The following PTPRB variants were observed in gnomAD, a reference collection of about 807,000 sequenced individuals.
The protein encoded by PTPRB is receptor-type tyrosine-protein phosphatase beta.
Under a neutral mutation model 238.1 loss-of-function variants are expected in PTPRB, and 97 were observed. That is an observed-to-expected ratio of 0.41 (90% CI 0.35 to 0.48). The LOEUF is 0.48. PTPRB is among the 20% of genes least tolerant of loss of function. The pLI is 0.30. For synonymous variants in PTPRB, 970 were observed against 995.4 expected, an observed-to-expected ratio of 0.97 and a Z score of 0.48; for missense variants, 2,292 against 2,681.9, an observed-to-expected ratio of 0.85 and a Z score of 3.21.
chr12:70,551,803 G>A (rs1320518817), intron 21 of PTPRB, among the ~76,000 whole-genome samples: 4 of 152,204 alleles, frequency 2.6e-5, no homozygotes, highest in African/African-American at 9.6e-5. Flanking sequence ...TGATTGGGAT[G>A]CTATATACTT....
chr12:70,628,535 CT>C (rs1189625937), intron 2 of PTPRB, among the ~76,000 whole-genome samples: 1 of 152,056 alleles, frequency 6.6e-6, no homozygotes, highest in Non-Finnish European at 1.5e-5. Flanking sequence ...TAATTTCCCC[CT>C]GGCAAGGAAT....
chr12:70,609,913 G>A (rs1233399190), intron 3 of PTPRB: 18 of 1,134,210 alleles, frequency 1.6e-5, no homozygotes, highest in Non-Finnish European at 2.4e-6. Context: ...CGCTCAGCGC[G>A]CCCCGTGGGC....
chr12:70,554,734 G>T (rs1392711599), intron 20 of PTPRB, among the ~76,000 whole-genome samples: 2 of 152,148 alleles, frequency 1.3e-5, no homozygotes. Flanking sequence ...AGGCATTTGA[G>T]ACAGGGAGGG....
chr12:70,537,961 G>C, intron 28 of PTPRB, 194 bp downstream of exon 28: 1 of 511,186 alleles, frequency 2.0e-6, no homozygotes. Context: ...TTTGACTATA[G>C]CCATTGTGAA....
At chr12:70,551,069 T>C (rs985607549) in intron 21 of PTPRB, among the ~76,000 whole-genome samples, 5 of 152,266 alleles carry the variant, frequency 3.3e-5, no homozygotes, top group Middle Eastern at 3.4e-3. Flanking sequence ...CCAACTTTTG[T>C]GTTTTTAGTA....
chr12:70,566,823 G>T, intron 14 of PTPRB, 119 bp from the exon 15 acceptor site: 9 of 1,096,930 alleles, frequency 8.2e-6, no homozygotes, highest in Non-Finnish European at 1.2e-5. Flanking sequence ...CTTTATTTGT[G>T]TGTCATTGAC....
Position 70,566,612 on chromosome 12 carries a change from T to C in PTPRB, c.3727A>G (p.Arg1243Gly). The change falls in exon 15 of 34, where the codon AGA becomes GGA. Residue 1243 changes from arginine to glycine, a missense_variant. Around this residue, in one of 4 missense-constraint regions of PTPRB, gnomAD observed 683 missense variants for 862.0 expected, o/e 0.79. Coordinates refer to ENST00000334414, the MANE Select transcript of PTPRB (RefSeq NM_001109754.4). ...TCAGTTAGAAGCAGGATATCATATC[T>C]TTCTGCCACACCAGCAGCTTTTTGC... ...SWQKAAGVAE[R>G]YDILLLTENG... 1 of 1,614,072 alleles carries C rather than the reference T, an allele frequency of 6.2e-7. No homozygotes were observed.
chr12:70,554,624 G>A lies in PTPRB; in HGVS notation c.5143+536C>T, dbSNP rs1053068814. The stretch of plus-strand genomic sequence containing the variant: ...AGAGAATAAAACTATTCAAAATTCA[G>A]TGGAGAAGGGAAGAATGTTTTTCAT... On this transcript the variant is annotated intron_variant, in intron 20 of 33. Transcript: ENST00000334414. Among the ~76,000 whole-genome samples the A allele has an allele frequency of 1.1e-4, 17 of 152,248 alleles. No individual in the cohort carries two copies. In the East Asian group the frequency reaches 1.2e-3, roughly 10 times the overall value.
At chr12:70,581,397 T>C in intron 9 of PTPRB, 95 bp from the exon 10 acceptor site, 1 of 1,293,036 alleles carries the variant, frequency 7.7e-7, no homozygotes, top group Non-Finnish European at 1.0e-6. Flanking sequence ...GACTTGAAAG[T>C]ACTAAAAATA....
chr12:70,529,340 GA>G (rs1234067829), intron 32 of PTPRB, among the ~76,000 whole-genome samples: 1 of 152,146 alleles, frequency 6.6e-6, no homozygotes, highest in Non-Finnish European at 1.5e-5. Flanking sequence ...GTATGGAGGT[GA>G]TACATGGCCC....
In PTPRB at chr12:70,524,481, C is replaced by T. The variant is rs200143360; in HGVS notation, c.6615G>A (p.Glu2205=). 84 of 1,609,586 alleles carry T rather than the reference C, an allele frequency of 5.2e-5. No homozygotes were observed. The East Asian group carries it at 1.8e-3, about 34-fold the overall frequency. ...GAAGTAAGTGCCCACCTCTGTGATACTCTGGATTCACATTTTCATAGATTG... is the reference window on the plus strand; with the variant it reads ...GAAGTAAGTGCCCACCTCTGTGATATTCTGGATTCACATTTTCATAGATTG... ...LFPIYENVNP[E]YHRDPVYSRH is the part of the protein sequence containing the mutation. The change falls in exon 33 of 34, where the codon GAG becomes GAA. Residue 2205 remains glutamate (E), a synonymous_variant. Coordinates refer to ENST00000334414, the MANE Select transcript of PTPRB (RefSeq NM_001109754.4).
chr12:70,553,599 CT>C (rs1349564944), intron 20 of PTPRB, among the ~76,000 whole-genome samples: 1 of 152,212 alleles, frequency 6.6e-6, no homozygotes, highest in Admixed American at 6.5e-5. Context: ...AACTCTTCCC[CT>C]GTCCACCCAG....
intron 3 of PTPRB, among the ~76,000 whole-genome samples, chr12:70,610,857 A>G (rs1385821828): frequency 2.0e-5 from 3 of 152,168 alleles, no homozygotes; most frequent in African/African-American, 7.2e-5. Flanking sequence ...ATTTGTGGAA[A>G]CTACTGTTGA....
chr12:70,573,708 T>C (rs1008257296), intron 11 of PTPRB, among the ~76,000 whole-genome samples: 3 of 152,122 alleles, frequency 2.0e-5, no homozygotes, highest in South Asian at 2.1e-4. Flanking sequence ...GATTTCACCA[T>C]GTTGGCCAGG....
rs368345856 is a variant in PTPRB at position 70,635,907 on chromosome 12, G to C, written c.215C>G (p.Ser72Cys). Residue 72 changes from serine (S) to cysteine (C), a missense_variant, in exon 2 of 34, where the codon TCC (serine) becomes TGC (cysteine). Physicochemically the swap from Ser to Cys is moderately radical, Grantham distance 112 (BLOSUM62 -1). This residue lies in a region of PTPRB where 1,205 missense variants were observed against 1,287.8 expected (regional missense o/e 0.94). Transcript: ENST00000334414. ...GCGGGAGGGGCCGCGGGAAGAGTTGGAGATGGCCAAGCACAGTGCAGATTT... is the reference window on the plus strand; with the variant it reads ...GCGGGAGGGGCCGCGGGAAGAGTTGCAGATGGCCAAGCACAGTGCAGATTT... ...HVKSALCLAI[S>C]NSSRGPSRSA... 1.2e-6 allele frequency: 2 copies of C among 1,613,704 alleles called. No homozygotes were observed. Among genetic ancestry groups the C allele is most frequent in the Non-Finnish European group, 1.7e-6 (2 of 1,179,878 alleles).
intron 3 of PTPRB, among the ~76,000 whole-genome samples, chr12:70,614,787 C>T (rs368557201): frequency 7.2e-5 from 11 of 152,194 alleles, no homozygotes; most frequent in South Asian, 2.1e-4. Flanking sequence ...TACTTCGAAC[C>T]GGCTCAATAG....
At position 70,591,946 on chromosome 12, in the gene PTPRB, G is replaced by A. The variant is rs573940794; in HGVS notation, c.1780+336C>T. ...TGAGGACATAAATTAATAAAATAATGTATGGAAAACATGGTTAAATGCTAA... is the reference window on the plus strand; with the variant it reads ...TGAGGACATAAATTAATAAAATAATATATGGAAAACATGGTTAAATGCTAA... On this transcript the variant is annotated intron_variant, in intron 7 of 33. Coordinates refer to ENST00000334414, the MANE Select transcript of PTPRB (RefSeq NM_001109754.4). 1.7e-5 allele frequency: 5 copies of A among 296,220 alleles called. No homozygotes were observed. In the South Asian group the frequency reaches 2.3e-4, roughly 13 times the overall value. The allele number at this position is 296,220 out of a possible 1,614,324, so 18.3% of individuals were successfully genotyped here.
chr12:70,535,588 G>A (rs1874005145), intron 29 of PTPRB, among the ~76,000 whole-genome samples: 1 of 152,096 alleles, frequency 6.6e-6, no homozygotes, highest in African/African-American at 2.4e-5. Flanking sequence ...GTAGAGGATG[G>A]TAAGTGCATT....
intron 5 of PTPRB, among the ~76,000 whole-genome samples, chr12:70,595,300 G>A (rs1325130296): frequency 6.6e-6 from 1 of 152,076 alleles, no homozygotes; most frequent in East Asian, 1.9e-4. Flanking sequence ...ACCTGTTGGG[G>A]GGTGAGGGGG....
Sources: allele counts gnomAD v4.1 joint callset (sites outside exome capture counted in the v4.1 genomes callset), GRCh38; gene constraint gnomAD v4.1.1; regional missense constraint gnomAD v4.1.1; transcripts MANE v1.5; gene names NCBI Gene and HGNC (gene_info 2026-07-23, HGNC 2026-07-21).